The following GPC6 variants were observed in gnomAD, a reference collection of about 807,000 sequenced individuals.
The protein encoded by GPC6 is glypican 6.
In GPC6, 14 loss-of-function variants were observed where a neutral mutation model predicts 55.2. That is an observed-to-expected ratio of 0.25 (90% CI 0.17 to 0.40). GPC6 has a LOEUF of 0.40. GPC6 is among the 10% of genes least tolerant of loss of function. GPC6 has a pLI of 1.00. For missense variants in GPC6, 641 were observed against 708.5 expected (o/e 0.90, Z 1.08); for synonymous variants, 278 against 259.6 (o/e 1.07, Z -0.68).
intron 3 of GPC6, among the ~76,000 whole-genome samples, chr13:94,022,196 T>C (rs1202290573): frequency 6.6e-6 from 1 of 152,068 alleles, no homozygotes; most frequent in Non-Finnish European, 1.5e-5. Context: ...TTGTTCATTC[T>C]ACATAATTGC....
intron 3 of GPC6, among the ~76,000 whole-genome samples, chr13:94,023,749 T>TTAAATAAA (rs1251931111): frequency 1.3e-5 from 2 of 152,016 alleles, no homozygotes; most frequent in Non-Finnish European, 2.9e-5. Flanking sequence ...GGGAGAGTAG[T>TTAAATAAA]TAAATAAATT....
chr13:94,282,101 A>T (rs1892402033), intron 4 of GPC6, among the ~76,000 whole-genome samples: 1 of 152,156 alleles, frequency 6.6e-6, no homozygotes, highest in African/African-American at 2.4e-5. Context: ...ATTATCCTCA[A>T]ATTTAGCAGG....
intron 4 of GPC6, among the ~76,000 whole-genome samples, chr13:94,092,502 A>G (rs1166799311): frequency 2.0e-5 from 3 of 152,152 alleles, no homozygotes; most frequent in Admixed American, 6.6e-5. Context: ...CATTGTGTAT[A>G]TATACCACAT....
At chr13:93,915,334 G>A (rs891256338) in intron 3 of GPC6, among the ~76,000 whole-genome samples, 5 of 152,144 alleles carry the variant, frequency 3.3e-5, no homozygotes, top group African/African-American at 7.2e-5. Context: ...GTAGCAAAGT[G>A]CCTTTGAGAG....
At chr13:94,392,953 C>T (rs922651600) in intron 7 of GPC6, among the ~76,000 whole-genome samples, 1 of 152,198 alleles carries the variant, frequency 6.6e-6, no homozygotes, top group African/African-American at 2.4e-5. Flanking sequence ...CAGTTTTCTG[C>T]AGCAACTACA....
At chr13:93,332,670 A>C (rs1879895030) in intron 1 of GPC6, among the ~76,000 whole-genome samples, 1 of 152,074 alleles carries the variant, frequency 6.6e-6, no homozygotes. Flanking sequence ...TTATCTCTTC[A>C]TTCTGTTGAC....
At chr13:93,495,063 G>A (rs1165963240) in intron 1 of GPC6, among the ~76,000 whole-genome samples, 5 of 115,828 alleles carry the variant, frequency 4.3e-5, no homozygotes, top group African/African-American at 9.8e-5. Flanking sequence ...GAATCTGAAC[G>A]TTGGCCTGCC....
intron 3 of GPC6, among the ~76,000 whole-genome samples, chr13:94,023,322 T>C (rs1594673712): frequency 6.6e-6 from 1 of 152,038 alleles, no homozygotes; most frequent in East Asian, 1.9e-4. Flanking sequence ...TTTTTAATGT[T>C]GGATGTTTTA....
In GPC6 at chr13:94,324,340, G is replaced by A. The variant is rs147276529; in HGVS notation, c.1152+18217G>A. ...AAAAAAAAAAAAAAAACTCAAGCCA[G>A]ACAAGGTAGAAATACTGGTAGAGGA... On this transcript the variant is annotated intron_variant, in intron 6 of 8. Transcript: ENST00000377047. 3.7e-4 allele frequency among the ~76,000 whole-genome samples: 54 copies of A among 147,010 alleles called. 4 individuals carry two copies. In the East Asian group the frequency reaches 0.011, roughly 29 times the overall value.
chr13:94,271,146 A>G (rs888112701), intron 4 of GPC6, among the ~76,000 whole-genome samples: 7 of 144,408 alleles, frequency 4.8e-5, no homozygotes, highest in Non-Finnish European at 9.1e-5. Context: ...TCCCGCCACC[A>G]TGCCCGGCTA....
chr13:93,735,649 A>G (rs1456935892), intron 2 of GPC6, among the ~76,000 whole-genome samples: 1 of 152,158 alleles, frequency 6.6e-6, no homozygotes, highest in Non-Finnish European at 1.5e-5. Flanking sequence ...AGCTAGATAC[A>G]CTTCCATTTT....
At chr13:93,811,979 T>A (rs1049543369) in intron 2 of GPC6, among the ~76,000 whole-genome samples, 4 of 152,028 alleles carry the variant, frequency 2.6e-5, no homozygotes, top group Non-Finnish European at 4.4e-5. Flanking sequence ...CCAACGTATA[T>A]CAACAATGTC....
intron 2 of GPC6, among the ~76,000 whole-genome samples, chr13:93,670,677 G>A (rs191205391): frequency 1.1e-3 from 165 of 152,234 alleles, no homozygotes; most frequent in African/African-American, 3.7e-3. Flanking sequence ...GTAATTTTTA[G>A]GGAGGCATCC....
chr13:93,755,203 A>G (rs941294479), intron 2 of GPC6, among the ~76,000 whole-genome samples: 8 of 152,194 alleles, frequency 5.3e-5, no homozygotes, highest in Non-Finnish European at 7.3e-5. Context: ...ACCCACCACA[A>G]TGTAGAAGAT....
At chr13:94,359,696 A>G (rs58672269) in intron 6 of GPC6, among the ~76,000 whole-genome samples, 4,983 of 152,048 alleles carry the variant, frequency 0.033, 261 homozygotes, top group African/African-American at 0.11. Flanking sequence ...GCTATTTTCT[A>G]AATACCACTG....
chr13:93,812,217 T>C (rs7490309), intron 2 of GPC6, among the ~76,000 whole-genome samples: 56,667 of 148,306 alleles, frequency 0.38, 11,903 homozygotes, highest in African/African-American at 0.54. Flanking sequence ...GGTGAAACCC[T>C]GTCTCTACTA....
intron 3 of GPC6, among the ~76,000 whole-genome samples, chr13:93,905,007 A>G (rs1594575687): frequency 7.3e-6 from 1 of 136,538 alleles, no homozygotes; most frequent in South Asian, 2.3e-4. Flanking sequence ...ATTCCCACCT[A>G]AGAGTGAGAA....
At chr13:93,771,153 TA>T (rs1466276972) in intron 2 of GPC6, among the ~76,000 whole-genome samples, 1 of 152,172 alleles carries the variant, frequency 6.6e-6, no homozygotes, top group African/African-American at 2.4e-5. Context: ...AAGTCATCTT[TA>T]AAAGCAAGTT....
At chr13:93,784,821 T>A (rs895264428) in intron 2 of GPC6, among the ~76,000 whole-genome samples, 3 of 152,162 alleles carry the variant, frequency 2.0e-5, no homozygotes, top group Non-Finnish European at 4.4e-5. Context: ...CCTCAACACA[T>A]GTACAAATAA....
Sources: allele counts gnomAD v4.1 joint callset (sites outside exome capture counted in the v4.1 genomes callset), GRCh38; gene constraint gnomAD v4.1.1; transcripts MANE v1.5; gene names NCBI Gene and HGNC (gene_info 2026-07-23, HGNC 2026-07-21).